Variants in KCTD16 observed in about 807,000 individuals in gnomAD.
KCTD16 encodes the protein BTB/POZ domain-containing protein KCTD16.
In KCTD16, 13 loss-of-function variants were observed where a neutral mutation model predicts 33.2. The observed-to-expected ratio is 0.39, with a 90% CI of 0.25 to 0.62. KCTD16 has a LOEUF of 0.62. Among genes scored for constraint, KCTD16 ranks in the 20% least tolerant of loss-of-function variants. The probability of loss-of-function intolerance (pLI) is 0.50; values close to 1 mark genes in which losing one functional copy is unlikely to be tolerated. For missense variants in KCTD16, 441 were observed against 525.1 expected, an observed-to-expected ratio of 0.84 and a Z score of 1.57; for synonymous variants, 197 against 195.3, an observed-to-expected ratio of 1.01 and a Z score of -0.07.
chr5:144,475,752 C>T lies in KCTD16; in HGVS notation c.*1638C>T, dbSNP rs1754580719. The T allele has an allele frequency of 6.6e-6, 1 of 152,562 alleles. No individual in the cohort carries two copies. Among genetic ancestry groups the T allele is most frequent in the African/African-American group, 2.4e-5 (1 of 41,420 alleles). 9.5% of individuals were successfully genotyped at this position (152,562 alleles called of 1,614,324 possible). ...GGAGGAAAACAATGACTAATTTCTT[C>T]CTTTTGAAATCTTTCATTGATGCAC... On this transcript the variant is annotated 3_prime_UTR_variant, in exon 4 of 4. Coordinates refer to ENST00000512467, the MANE Select transcript of KCTD16 (RefSeq NM_020768.4).
At chr5:144,457,549 A>C (rs1754095525) in intron 3 of KCTD16, among the ~76,000 whole-genome samples, 1 of 152,192 alleles carries the variant, frequency 6.6e-6, no homozygotes, top group Non-Finnish European at 1.5e-5. Context: ...AACACTGAGA[A>C]GTAAAACAGG....
chr5:144,206,588 AGAG>A lies in KCTD16; in HGVS notation c.-122_-120del, dbSNP rs1403668802. The A allele has an allele frequency of 2.6e-6, 2 of 767,164 alleles. No individual in the cohort carries two copies. Among genetic ancestry groups the A allele is most frequent in the African/African-American group, 3.5e-5 (2 of 57,038 alleles). The allele number at this position is 767,164 out of a possible 1,614,324, so 47.5% of individuals were successfully genotyped here. On this transcript the variant is annotated 5_prime_UTR_variant, in exon 3 of 4. Coordinates refer to ENST00000512467, the MANE Select transcript of KCTD16 (RefSeq NM_020768.4). ...TTCTTGGGGGAAAAATACTGGGATAAGAGGAGGTCATTTTTTAATAAGTTAGCA... is the reference window on the plus strand; with the variant it reads ...TTCTTGGGGGAAAAATACTGGGATAAGAGGTCATTTTTTAATAAGTTAGCA...
At chr5:144,396,612 A>T (rs1752572509) in intron 3 of KCTD16, among the ~76,000 whole-genome samples, 1 of 152,186 alleles carries the variant, frequency 6.6e-6, no homozygotes, top group Non-Finnish European at 1.5e-5. Context: ...TAAGCACAGA[A>T]GCTTTGTAAG....
At position 144,385,293 on chromosome 5, in the gene KCTD16, T is replaced by A. The variant is rs540286177; in HGVS notation, c.833-88367T>A. ...CTTCAGTGAAGATAGCATTGTTGCA[T>A]AATGTCCACAAATCATTGATAATAA... On this transcript the variant is annotated intron_variant, in intron 3 of 3. Coordinates refer to ENST00000512467, the MANE Select transcript of KCTD16 (RefSeq NM_020768.4). 257 of 152,352 alleles carry A rather than the reference T, an allele frequency of 1.7e-3. 1 individual carries two copies. Among genetic ancestry groups the A allele is most frequent in the African/African-American group, 5.4e-3 (226 of 41,590 alleles). 9.4% of individuals were successfully genotyped at this position (152,352 alleles called of 1,614,324 possible).
intron 3 of KCTD16, among the ~76,000 whole-genome samples, chr5:144,290,634 A>G (rs9324950): frequency 0.21 from 32,656 of 152,162 alleles, 3,941 homozygotes; most frequent in Non-Finnish European, 0.28. Context: ...GCATCCATCA[A>G]TGATGTCCCT....
At chr5:144,244,854 G>T (rs1255633971) in intron 3 of KCTD16, among the ~76,000 whole-genome samples, 1 of 152,130 alleles carries the variant, frequency 6.6e-6, no homozygotes, top group Non-Finnish European at 1.5e-5. Context: ...CTCCTAGGAT[G>T]GTTTTGAGAA....
intron 3 of KCTD16, among the ~76,000 whole-genome samples, chr5:144,387,740 C>G (rs1343797124): frequency 6.6e-6 from 1 of 152,152 alleles, no homozygotes; most frequent in Non-Finnish European, 1.5e-5. Flanking sequence ...AAATGGGTTT[C>G]TATGCCACTT....
At chr5:144,261,151 T>A (rs1205132749) in intron 3 of KCTD16, among the ~76,000 whole-genome samples, 1 of 129,472 alleles carries the variant, frequency 7.7e-6, no homozygotes. Flanking sequence ...GTATTTCAGC[T>A]CTTTGGGAAC....
rs1243186322 is a variant in KCTD16, at chr5:144,445,654, T to C, written c.833-28006T>C. Among the ~76,000 whole-genome samples the C allele has an allele frequency of 2.6e-5, 4 of 152,020 alleles. No homozygotes were observed. In the East Asian group the frequency reaches 7.7e-4, roughly 29 times the overall value. ...TTCCACAGAACTTCCCCTTCTGTTA[T>C]TTTGGTATAATTTTCAAAAACATAG... is the stretch of plus-strand genomic sequence containing the variant. On this transcript the variant is annotated intron_variant, in intron 3 of 3. Transcript: ENST00000512467.
intron 3 of KCTD16, among the ~76,000 whole-genome samples, chr5:144,378,129 G>A (rs1429447630): frequency 6.6e-6 from 1 of 152,168 alleles, no homozygotes; most frequent in Admixed American, 6.6e-5. Context: ...GAATTTCAAA[G>A]AACACAGCCT....
intron 3 of KCTD16, among the ~76,000 whole-genome samples, chr5:144,249,567 C>T (rs1299544162): frequency 6.6e-6 from 1 of 152,046 alleles, no homozygotes; most frequent in African/African-American, 2.4e-5. Flanking sequence ...GAGAGAAAGC[C>T]TATTCTCTGT....
intron 3 of KCTD16, among the ~76,000 whole-genome samples, chr5:144,470,528 A>G (rs1754445589): frequency 6.6e-6 from 1 of 152,184 alleles, no homozygotes. Context: ...TTGGTTTAAT[A>G]TAATACATAG....
intron 3 of KCTD16, among the ~76,000 whole-genome samples, chr5:144,341,192 C>T (rs932705618): frequency 7.9e-5 from 12 of 152,086 alleles, no homozygotes; most frequent in Non-Finnish European, 1.5e-4. Flanking sequence ...TACAGCAGCC[C>T]GAGCTGCCTA....
At chr5:144,394,601 T>C (rs981193346) in intron 3 of KCTD16, among the ~76,000 whole-genome samples, 1 of 152,170 alleles carries the variant, frequency 6.6e-6, no homozygotes, top group Non-Finnish European at 1.5e-5. Context: ...AATCCCCACA[T>C]GTCGAGAGAC....
intron 3 of KCTD16, among the ~76,000 whole-genome samples, chr5:144,332,866 G>T (rs1179631509): frequency 6.6e-6 from 1 of 152,146 alleles, no homozygotes; most frequent in Non-Finnish European, 1.5e-5. Flanking sequence ...CACATAGCTG[G>T]GAAGGCCTCA....
intron 3 of KCTD16, among the ~76,000 whole-genome samples, chr5:144,276,817 C>T (rs1356088500): frequency 1.3e-5 from 2 of 151,594 alleles, no homozygotes; most frequent in East Asian, 2.0e-4. Flanking sequence ...TCATGAGAAT[C>T]TCTTGGACCT....
At chr5:144,225,552 TTGTGTGTGTGTG>T (rs10550980) in intron 3 of KCTD16, among the ~76,000 whole-genome samples, 78 of 138,226 alleles carry the variant, frequency 5.6e-4, no homozygotes, top group African/African-American at 7.1e-4. Flanking sequence ...CAAAAATAAA[TTGTGTGTGTGTG>T]TGTGTGTGTG....
At chr5:144,377,179 TA>T (rs1405387197) in intron 3 of KCTD16, among the ~76,000 whole-genome samples, 2 of 152,216 alleles carry the variant, frequency 1.3e-5, no homozygotes, top group Non-Finnish European at 2.9e-5. Flanking sequence ...AAACATCCCC[TA>T]TTGGACTGTC....
chr5:144,249,272 G>A (rs769643494), intron 3 of KCTD16, among the ~76,000 whole-genome samples: 10 of 151,758 alleles, frequency 6.6e-5, no homozygotes, highest in Non-Finnish European at 1.0e-4. Flanking sequence ...TTTTTTCTGC[G>A]TCAGAGGCTC....
Sources: allele counts gnomAD v4.1 joint callset (sites outside exome capture counted in the v4.1 genomes callset), GRCh38; gene constraint gnomAD v4.1.1; transcripts MANE v1.5; gene names NCBI Gene and HGNC (gene_info 2026-07-23, HGNC 2026-07-21).